Variants in PTPN2 observed in about 807,000 individuals in gnomAD.
PTPN2 encodes protein tyrosine phosphatase non-receptor type 2, also known as tyrosine-protein phosphatase non-receptor type 2.
A neutral mutation model predicts 57.3 loss-of-function variants in PTPN2; 19 were observed. The observed-to-expected ratio is 0.33, with a 90% CI of 0.23 to 0.49. The LOEUF is 0.49. PTPN2 is among the 20% of genes least tolerant of loss of function. The pLI, the probability that PTPN2 is intolerant of heterozygous loss-of-function variation, is 0.99. For synonymous variants in PTPN2, 153 were observed against 164.9 expected (o/e 0.93, Z 0.55); for missense variants, 358 against 501.1 (o/e 0.71, Z 2.73).
intron 7 of PTPN2, among the ~76,000 whole-genome samples, chr18:12,811,653 C>T (rs1298505511): frequency 6.6e-6 from 1 of 152,140 alleles, no homozygotes; most frequent in South Asian, 2.1e-4. Context: ...CAAACTCACT[C>T]ATGCCTATAT....
intron 7 of PTPN2, among the ~76,000 whole-genome samples, chr18:12,807,586 A>ATATAT (rs1555660749): frequency 1.1e-3 from 40 of 35,192 alleles, no homozygotes; most frequent in South Asian, 2.5e-3. Flanking sequence ...AAAAAAAAAA[A>ATATAT]ATATATATAT....
chr18:12,840,384 C>T (rs776984417), intron 2 of PTPN2, among the ~76,000 whole-genome samples: 2 of 152,202 alleles, frequency 1.3e-5, no homozygotes, highest in Admixed American at 6.5e-5. Flanking sequence ...TATACTCCCC[C>T]ATATTAATGG....
chr18:12,852,414 A>G (rs534915872), intron 2 of PTPN2, among the ~76,000 whole-genome samples: 4 of 152,350 alleles, frequency 2.6e-5, no homozygotes, highest in South Asian at 4.1e-4. Flanking sequence ...CTCTCTTTTC[A>G]AACAACGAAG....
chr18:12,836,461 T>C (rs2042869737), intron 3 of PTPN2, among the ~76,000 whole-genome samples: 1 of 152,218 alleles, frequency 6.6e-6, no homozygotes, highest in South Asian at 2.1e-4. Context: ...CCACAGGGTA[T>C]GGGAAGAGAA....
At chr18:12,857,495 C>G (rs749073733) in intron 2 of PTPN2, among the ~76,000 whole-genome samples, 1 of 152,158 alleles carries the variant, frequency 6.6e-6, no homozygotes, top group Non-Finnish European at 1.5e-5. Flanking sequence ...TTCTCAACTG[C>G]ATCCAAATCT....
chr18:12,837,536 A>C (rs45602843), intron 2 of PTPN2, among the ~76,000 whole-genome samples: 15,692 of 152,242 alleles, frequency 0.1, 1,022 homozygotes, highest in Non-Finnish European at 0.15. Context: ...ATGCTAATTT[A>C]AATATGTGAA....
At chr18:12,851,600 T>C (rs1174722841) in intron 2 of PTPN2, among the ~76,000 whole-genome samples, 2 of 152,198 alleles carry the variant, frequency 1.3e-5, no homozygotes, top group Non-Finnish European at 2.9e-5. Context: ...CTCCCCAAAA[T>C]TCTATTCATT....
intron 6 of PTPN2, among the ~76,000 whole-genome samples, chr18:12,816,572 A>G (rs1210306557): frequency 6.6e-6 from 1 of 152,210 alleles, no homozygotes; most frequent in Non-Finnish European, 1.5e-5. Flanking sequence ...GGTCCTAAAA[A>G]GAGAAGAAAA....
At chr18:12,805,523 T>C (rs545268530) in intron 7 of PTPN2, among the ~76,000 whole-genome samples, 2 of 151,872 alleles carry the variant, frequency 1.3e-5, no homozygotes, top group African/African-American at 2.4e-5. Context: ...ATGGAGGAAA[T>C]TGTGCCTCAA....
chr18:12,843,147 A>G (rs2145419726), intron 2 of PTPN2, among the ~76,000 whole-genome samples: 1 of 152,258 alleles, frequency 6.6e-6, no homozygotes, highest in East Asian at 1.9e-4. Context: ...ATGATTCCAG[A>G]CGTAGTCATG....
At position 12,793,881 on chromosome 18, in the gene PTPN2, A is replaced by G; in HGVS notation, c.*397T>C. On this transcript the variant is annotated 3_prime_UTR_variant, in exon 9 of 9. Transcript: ENST00000309660. Reference sequence around the variant, plus strand: ...TTATTTAAATGTCATTTTCTTTCCAATAACGTAGATAAAACCACAATATTT... The same window carrying G: ...TTATTTAAATGTCATTTTCTTTCCAGTAACGTAGATAAAACCACAATATTT... 1 of 1,053,032 alleles carries G rather than the reference A, an allele frequency of 9.5e-7. No homozygotes were observed. Among genetic ancestry groups the G allele is most frequent in the Non-Finnish European group, 1.1e-6 (1 of 870,590 alleles). 65.2% of individuals were successfully genotyped at this position (1,053,032 alleles called of 1,614,324 possible). A position where few individuals can be genotyped will look rare whatever the true frequency, so the allele number is the denominator to read the frequency against.
downstream of PTPN2, among the ~76,000 whole-genome samples, chr18:12,790,188 T>A (rs2040949414): frequency 6.6e-6 from 1 of 152,114 alleles, no homozygotes; most frequent in African/African-American, 2.4e-5. Context: ...CCTCCCAAAG[T>A]TCTGGGAATA....
rs552156314 is a variant in PTPN2 at position 12,870,730 on chromosome 18, C to T, written c.70-11476G>A. 4.0e-5 allele frequency among the ~76,000 whole-genome samples: 6 copies of T among 151,482 alleles called. No individual in the cohort carries two copies. In the South Asian group the frequency reaches 1.3e-3, roughly 32 times the overall value. The stretch of plus-strand genomic sequence containing the variant: ...TTCACCGTGTTAGCCAGGATGGTCT[C>T]GATCTCCTGACCTCATGATCCGCCC... On this transcript the variant is annotated intron_variant, in intron 1 of 8. Coordinates refer to ENST00000309660, the MANE Select transcript of PTPN2 (RefSeq NM_002828.4).
chr18:12,817,243 G>A lies in PTPN2; in HGVS notation c.618C>T (p.Asn206=), dbSNP rs766175622. The A allele has an allele frequency of 1.9e-6, 3 of 1,614,050 alleles. No homozygotes were observed. The highest frequency in any genetic ancestry group is 1.3e-5 in the African/African-American group (1 of 74,942). ...LFKVRESGSL[N]PDHGPAVIHC... ...GGATCACCGCAGGCCCATGGTCAGG[G>A]TTCAAGGAGCCAGATTCTCTCACTT... is the stretch of plus-strand genomic sequence containing the variant. The change falls in exon 6 of 9, where the codon AAC becomes AAT. Residue 206 remains asparagine (N), a synonymous_variant. Coordinates refer to ENST00000309660, the MANE Select transcript of PTPN2 (RefSeq NM_002828.4).
intron 2 of PTPN2, 69 bp from the exon 3 acceptor site, chr18:12,836,960 T>G: frequency 2.2e-6 from 2 of 897,810 alleles, no homozygotes; most frequent in Non-Finnish European, 3.5e-6. Flanking sequence ...ATATTAATAT[T>G]CTAGGTATTT....
chr18:12,826,386 G>A (rs8091566), intron 4 of PTPN2, among the ~76,000 whole-genome samples: 116,806 of 151,968 alleles, frequency 0.77, 45,771 homozygotes, highest in Middle Eastern at 0.86. Flanking sequence ...CTGGGTGACA[G>A]AGCAAGACTC....
chr18:12,852,363 A>C (rs1403107752), intron 2 of PTPN2, among the ~76,000 whole-genome samples: 1 of 152,178 alleles, frequency 6.6e-6, no homozygotes, highest in Non-Finnish European at 1.5e-5. Context: ...GGTAGTCTCT[A>C]ATAGTATAAA....
chr18:12,855,420 G>A (rs890858020), intron 2 of PTPN2, among the ~76,000 whole-genome samples: 4 of 152,082 alleles, frequency 2.6e-5, no homozygotes, highest in Non-Finnish European at 5.9e-5. Flanking sequence ...GGCCCATGAG[G>A]AGGATGGGGA....
chr18:12,807,573 A>G (rs865787241), intron 7 of PTPN2, among the ~76,000 whole-genome samples: 1,624 of 53,856 alleles, frequency 0.03, 81 homozygotes, highest in African/African-American at 0.077. Flanking sequence ...ATGTGGAAAA[A>G]AAAAAAAAAA....
Sources: allele counts gnomAD v4.1 joint callset (sites outside exome capture counted in the v4.1 genomes callset), GRCh38; gene constraint gnomAD v4.1.1; transcripts MANE v1.5; gene names NCBI Gene and HGNC (gene_info 2026-07-23, HGNC 2026-07-21).